ZNF235: variants seen among roughly 807,000 people sequenced by gnomAD.
The protein encoded by ZNF235 is zfp-93.
Under a neutral mutation model 29.4 loss-of-function variants are expected in ZNF235, and 25 were observed. That is an observed-to-expected ratio of 0.85 (90% CI 0.62 to 1.19). The LOEUF (loss-of-function observed/expected upper bound fraction) is 1.19. Among genes scored for constraint, ZNF235 ranks in the 50% most tolerant of loss-of-function variants. ZNF235 has a pLI of 0.00. For synonymous variants in ZNF235, 300 were observed against 295.3 expected, an observed-to-expected ratio of 1.02 and a Z score of -0.16; for missense variants, 788 against 885.0, an observed-to-expected ratio of 0.89 and a Z score of 1.39.
intron 4 of ZNF235, among the ~76,000 whole-genome samples, chr19:44,297,526 C>T (rs1356686316): frequency 6.6e-6 from 1 of 152,080 alleles, no homozygotes; most frequent in African/African-American, 2.4e-5. Context: ...TGCAATGGTG[C>T]GATTTCGGCT....
intron 4 of ZNF235, 106 bp downstream of exon 4, chr19:44,298,702 G>T: frequency 1.2e-6 from 1 of 864,754 alleles, no homozygotes; most frequent in Non-Finnish European, 1.8e-6. Flanking sequence ...AACCATGACA[G>T]ATGTTTTTTA....
intron 4 of ZNF235, among the ~76,000 whole-genome samples, chr19:44,294,357 A>G (rs537744516): frequency 6.6e-6 from 1 of 152,278 alleles, no homozygotes; most frequent in Admixed American, 6.5e-5. Flanking sequence ...CTGGCTCCCA[A>G]GATTGAGCCA....
intron 1 of ZNF235, 106 bp downstream of exon 1, chr19:44,304,865 C>T (rs910799601): frequency 7.1e-6 from 7 of 985,360 alleles, no homozygotes; most frequent in Admixed American, 1.2e-4. Context: ...CGCCCTCCAG[C>T]GCTGGCCGCG....
rs759258895 is a variant in ZNF235 at position 44,287,995 on chromosome 19, G to A, written c.1440C>T (p.Val480=). 3 of 1,613,924 alleles carry A rather than the reference G, an allele frequency of 1.9e-6. No individual in the cohort carries two copies. The highest frequency in any genetic ancestry group is 3.3e-5 in the Admixed American group (2 of 59,984). ...LSFNLHSHQR[V]HTGEKPYKCE... ...ATTTATATGGTTTTTCTCCTGTGTG[G>A]ACTCGTTGATGACTATGAAGATTAA... is the stretch of plus-strand genomic sequence containing the variant. The change falls in exon 5 of 5, where the codon GTC becomes GTT. Residue 480 remains valine (V), a synonymous_variant. Coordinates refer to ENST00000291182, the MANE Select transcript of ZNF235 (RefSeq NM_004234.4).
rs1017807836 is a variant in ZNF235 at position 44,287,419 on chromosome 19, G to A, written c.2016C>T (p.Ala672=). The part of the protein sequence containing the change: ...KEFSWSAGLS[A]HQRVHTGEKP... ...TCTCTCCTGTGTGGACCCTCTGATG[G>A]GCACTGAGACCAGCACTCCAACTGA... Residue 672 remains alanine, a synonymous_variant, in exon 5 of 5, where the codon GCC becomes GCT. Coordinates refer to ENST00000291182, the MANE Select transcript of ZNF235 (RefSeq NM_004234.4). 6.2e-7 allele frequency: 1 copy of A among 1,612,978 alleles called. No homozygotes were observed. The highest frequency in any genetic ancestry group is 8.5e-7 in the Non-Finnish European group (1 of 1,179,602).
At chr19:44,297,821 G>C (rs1216772404) in intron 4 of ZNF235, among the ~76,000 whole-genome samples, 2 of 152,098 alleles carry the variant, frequency 1.3e-5, no homozygotes, top group African/African-American at 4.8e-5. Flanking sequence ...AAGCATGAAT[G>C]AAATAAGGAA....
chr19:44,287,989 T>C lies in ZNF235; in HGVS notation c.1446A>G (p.Thr482=). Residue 482 remains threonine (T), a synonymous_variant, in exon 5 of 5, where the codon ACA becomes ACG. Transcript: ENST00000291182. The stretch of plus-strand genomic sequence containing the variant: ...CTTCACATTTATATGGTTTTTCTCC[T>C]GTGTGGACTCGTTGATGACTATGAA... ...FNLHSHQRVH[T]GEKPYKCEEC... is the part of the protein sequence containing the mutation. The C allele has an allele frequency of 1.2e-6, 2 of 1,613,998 alleles. No individual in the cohort carries two copies. Among genetic ancestry groups the C allele is most frequent in the Non-Finnish European group, 1.7e-6 (2 of 1,179,982 alleles).
rs201124047 is a variant in ZNF235, at chr19:44,288,896, G to C, written c.539C>G (p.Pro180Arg). The change falls in exon 5 of 5, where the codon CCG becomes CGG. Residue 180 changes from proline (P) to arginine (R), a missense_variant. Coordinates refer to ENST00000291182, the MANE Select transcript of ZNF235 (RefSeq NM_004234.4). ...ENQEFPTGKVPNSWSKIYLNE... is the reference protein window; with the variant it reads ...ENQEFPTGKVRNSWSKIYLNE... ...CAGATATATTTTACTCCAAGAATTC[G>C]GAACTTTCCCAGTTGGAAATTCTTG... The C allele has an allele frequency of 6.2e-7, 1 of 1,613,844 alleles. No homozygotes were observed. The highest frequency in any genetic ancestry group is 8.5e-7 in the Non-Finnish European group (1 of 1,179,960).
Position 44,289,074 on chromosome 19 carries a change from C to T in ZNF235, c.361G>A (p.Asp121Asn), listed in dbSNP as rs1303815306. Reference sequence around the variant, plus strand: ...TTTCCTTCAATATTTATCATGGAGTCTTGACTTCTGGCTAATTTGCTCGCA... The same window carrying T: ...TTTCCTTCAATATTTATCATGGAGTTTTGACTTCTGGCTAATTTGCTCGCA... ...HIASKLARSQ[D>N]SMINIEGKSS... Residue 121 changes from aspartate to asparagine, a missense_variant, in exon 5 of 5, where the codon GAC becomes AAC. Asp to Asn is a conservative substitution (Grantham distance 23). Coordinates refer to ENST00000291182, the MANE Select transcript of ZNF235 (RefSeq NM_004234.4). 1.2e-6 allele frequency: 2 copies of T among 1,613,988 alleles called. No homozygotes were observed. The highest frequency in any genetic ancestry group is 1.7e-6 in the Non-Finnish European group (2 of 1,180,006).
Position 44,304,972 on chromosome 19 carries a change from T to TC in ZNF235, c.-51dup. On this transcript the variant is annotated splice_region_variant and 5_prime_UTR_variant, in exon 1 of 5. Transcript: ENST00000291182. Reference sequence around the variant, plus strand: ...CTTGGAGACCCGGAGCTGACTCACCTCCCTGGGAGATATCTCAGATCCGAC... The same window carrying TC: ...CTTGGAGACCCGGAGCTGACTCACCTCCCCTGGGAGATATCTCAGATCCGAC... 7 of 982,528 alleles carry TC rather than the reference T, an allele frequency of 7.1e-6. No homozygotes were observed. The highest frequency in any genetic ancestry group is 7.3e-6 in the Non-Finnish European group (6 of 827,318). 60.9% of individuals were successfully genotyped at this position (982,528 alleles called of 1,614,324 possible). A position where few individuals can be genotyped will look rare whatever the true frequency, so the allele number is the denominator to read the frequency against.
chr19:44,300,850 A>G (rs1047000186), intron 2 of ZNF235, among the ~76,000 whole-genome samples: 22 of 152,114 alleles, frequency 1.4e-4, no homozygotes, highest in African/African-American at 5.3e-4. Flanking sequence ...AAAAAAAAAA[A>G]AAAAAAAAAG....
intron 2 of ZNF235, 61 bp from the exon 3 acceptor site, chr19:44,299,793 ACT>A: frequency 6.2e-7 from 1 of 1,610,454 alleles, no homozygotes; most frequent in Non-Finnish European, 8.5e-7. Context: ...CACCTAAGCA[ACT>A]CTTTCTGTAG....
Position 44,288,385 on chromosome 19 carries a change from G to A in ZNF235, c.1050C>T (p.His350=), listed in dbSNP as rs372214233. Residue 350 remains histidine (H), a synonymous_variant, in exon 5 of 5, where the codon CAC becomes CAT. Transcript: ENST00000291182. ...VHTGEKPYTC[H]ECGKSFNQSS... ...TCTGATTAAAGCTCTTACCACACTC[G>A]TGGCATGTATAGGGTTTCTCCCCTG... The A allele has an allele frequency of 2.6e-5, 42 of 1,613,480 alleles. No individual in the cohort carries two copies. Among genetic ancestry groups the A allele is most frequent in the Admixed American group, 3.3e-5 (2 of 59,968 alleles).
intron 2 of ZNF235, among the ~76,000 whole-genome samples, chr19:44,302,171 G>A (rs1309775835): frequency 6.6e-6 from 1 of 152,134 alleles, no homozygotes; most frequent in Non-Finnish European, 1.5e-5. Context: ...TGCTGTGTAT[G>A]AGAAAATGAG....
chr19:44,288,134 C>T lies in ZNF235; in HGVS notation c.1301G>A (p.Gly434Glu). The T allele has an allele frequency of 6.2e-7, 1 of 1,612,594 alleles. No homozygotes were observed. The highest frequency in any genetic ancestry group is 1.3e-5 in the African/African-American group (1 of 74,590). ...ACAACTAAAGCGTTTACCACAATCC[C>T]CACATTTATATGGTTTCTCTCCAGT... ...IHTGEKPYKCGDCGKRFSCSS... is the reference protein window; with the variant it reads ...IHTGEKPYKCEDCGKRFSCSS... Residue 434 changes from glycine (G) to glutamate (E), a missense_variant, in exon 5 of 5, where the codon GGG (glycine) becomes GAG (glutamate). Gly to Glu is a moderately conservative substitution (Grantham distance 98). Coordinates refer to ENST00000291182, the MANE Select transcript of ZNF235 (RefSeq NM_004234.4).
At chr19:44,293,663 T>C (rs1032018861) in intron 4 of ZNF235, among the ~76,000 whole-genome samples, 2 of 152,058 alleles carry the variant, frequency 1.3e-5, no homozygotes, top group African/African-American at 2.4e-5. Flanking sequence ...ATAGAACATA[T>C]GTTAGGTCAC....
intron 4 of ZNF235, among the ~76,000 whole-genome samples, chr19:44,292,354 A>T (rs986597361): frequency 5.3e-5 from 8 of 151,964 alleles, no homozygotes; most frequent in African/African-American, 1.9e-4. Context: ...ATGAATGAGA[A>T]ATTTACCAAA....
intron 2 of ZNF235, among the ~76,000 whole-genome samples, chr19:44,302,579 G>A (rs1381712559): frequency 6.6e-6 from 1 of 151,476 alleles, no homozygotes; most frequent in Non-Finnish European, 1.5e-5. Flanking sequence ...GGGAAACACA[G>A]GAACACCCCA....
chr19:44,303,689 CCTT>C (rs1204787872), intron 1 of ZNF235, among the ~76,000 whole-genome samples: 1 of 152,180 alleles, frequency 6.6e-6, no homozygotes, highest in Non-Finnish European at 1.5e-5. Context: ...TCTGTGTACT[CCTT>C]CTGAACTTTA....
Sources: allele counts gnomAD v4.1 joint callset (sites outside exome capture counted in the v4.1 genomes callset), GRCh38; gene constraint gnomAD v4.1.1; transcripts MANE v1.5; gene names NCBI Gene and HGNC (gene_info 2026-07-23, HGNC 2026-07-21).